The following EPHA3 variants were observed in gnomAD, a reference collection of about 807,000 sequenced individuals.
EPHA3 encodes EPH receptor A3, also known as ephrin type-A receptor 3.
In EPHA3, 42 loss-of-function variants were observed where a neutral mutation model predicts 107.1. The observed-to-expected ratio is 0.39, with a 90% CI of 0.31 to 0.51. The LOEUF (loss-of-function observed/expected upper bound fraction) is 0.51. Ranked by LOEUF, EPHA3 falls within the 20% of genes least tolerant of loss-of-function variation. The pLI is 0.78. For missense variants in EPHA3, 1,183 were observed against 1,211.2 expected, an observed-to-expected ratio of 0.98 and a Z score of 0.35; for synonymous variants, 461 against 424.8, an observed-to-expected ratio of 1.09 and a Z score of -1.05.
At chr3:89,382,916 A>T (rs960869472) in intron 5 of EPHA3, among the ~76,000 whole-genome samples, 2 of 152,204 alleles carry the variant, frequency 1.3e-5, no homozygotes, top group African/African-American at 4.8e-5. Flanking sequence ...ATTTCTTCCC[A>T]GTCAGTGAGG....
rs772653743 is a variant in EPHA3, at chr3:89,419,330, A to G, written c.2014A>G (p.Ser672Gly). 6.2e-7 allele frequency: 1 copy of G among 1,610,408 alleles called. No homozygotes were observed. The highest frequency in any genetic ancestry group is 8.5e-7 in the Non-Finnish European group (1 of 1,177,682). Residue 672 changes from serine to glycine, a missense_variant, in exon 11 of 17, where the codon AGC becomes GGC. By Grantham distance (56) the Ser-to-Gly change is moderately conservative. Transcript: ENST00000336596. ...KQRRDFLGEA[S>G]IMGQFDHPNI... Reference sequence around the variant, plus strand: ...GAGGAGAGACTTCCTGGGAGAAGCAAGCATTATGGGACAGTTTGACCACCC... The same window carrying G: ...GAGGAGAGACTTCCTGGGAGAAGCAGGCATTATGGGACAGTTTGACCACCC...
chr3:89,215,788 A>G (rs559672116), intron 3 of EPHA3, among the ~76,000 whole-genome samples: 4 of 151,964 alleles, frequency 2.6e-5, no homozygotes, highest in Admixed American at 2.6e-4. Context: ...AACTTTAGTA[A>G]TATAATCTCA....
At chr3:89,147,012 A>C (rs1704573450) in intron 2 of EPHA3, among the ~76,000 whole-genome samples, 1 of 151,986 alleles carries the variant, frequency 6.6e-6, no homozygotes, top group South Asian at 2.1e-4. Context: ...AGCCATAGAA[A>C]AAATGAGTCC....
chr3:89,175,350 A>C (rs1318983290), intron 2 of EPHA3, among the ~76,000 whole-genome samples: 5 of 152,058 alleles, frequency 3.3e-5, no homozygotes, highest in Middle Eastern at 6.3e-3. Context: ...TTTTATACCA[A>C]CCATACCCAG....
chr3:89,182,033 T>G (rs1164511442), intron 2 of EPHA3, among the ~76,000 whole-genome samples: 3 of 151,810 alleles, frequency 2.0e-5, no homozygotes, highest in African/African-American at 7.2e-5. Context: ...TTAGCTTTTT[T>G]TTTTTACTAT....
intron 11 of EPHA3, among the ~76,000 whole-genome samples, chr3:89,425,753 C>T (rs1277967992): frequency 1.3e-5 from 2 of 151,318 alleles, no homozygotes; most frequent in Admixed American, 1.3e-4. Flanking sequence ...ATATATTTCA[C>T]ATTATTCTAC....
At chr3:89,460,745 G>T (rs1217159318) in intron 15 of EPHA3, among the ~76,000 whole-genome samples, 2 of 145,320 alleles carry the variant, frequency 1.4e-5, no homozygotes, top group South Asian at 2.1e-4. Flanking sequence ...GGGTGACTTT[G>T]CTCAGTGAAT....
chr3:89,366,216 T>C (rs1182773074), intron 5 of EPHA3, among the ~76,000 whole-genome samples: 1 of 150,570 alleles, frequency 6.6e-6, no homozygotes, highest in Non-Finnish European at 1.5e-5. Flanking sequence ...TTTACACATA[T>C]TGAGTTCCTT....
chr3:89,397,437 C>T (rs1180803389), intron 6 of EPHA3, among the ~76,000 whole-genome samples: 1 of 152,178 alleles, frequency 6.6e-6, no homozygotes, highest in Non-Finnish European at 1.5e-5. Context: ...AACTAGATTT[C>T]AGGACTGGGA....
At chr3:89,169,719 TAAG>T (rs1705166832) in intron 2 of EPHA3, among the ~76,000 whole-genome samples, 1 of 152,226 alleles carries the variant, frequency 6.6e-6, no homozygotes, top group Non-Finnish European at 1.5e-5. Context: ...ACACTTCTCT[TAAG>T]TTCTCTTGCA....
intron 2 of EPHA3, among the ~76,000 whole-genome samples, chr3:89,154,786 A>G (rs972660461): frequency 1.3e-5 from 2 of 150,760 alleles, no homozygotes; most frequent in Non-Finnish European, 3.0e-5. Flanking sequence ...TATTTGAGAC[A>G]TTAGGCAATT....
At chr3:89,429,673 G>A (rs1422119041) in intron 12 of EPHA3, among the ~76,000 whole-genome samples, 1 of 151,782 alleles carries the variant, frequency 6.6e-6, no homozygotes, top group Non-Finnish European at 1.5e-5. Context: ...TTTAGATTGA[G>A]AAGCTTTATA....
At chr3:89,117,887 G>A (rs2106953374) in intron 1 of EPHA3, among the ~76,000 whole-genome samples, 1 of 152,162 alleles carries the variant, frequency 6.6e-6, no homozygotes, top group East Asian at 1.9e-4. Context: ...CCTTGAATAA[G>A]TCACAGCTGA....
intron 10 of EPHA3, among the ~76,000 whole-genome samples, chr3:89,417,282 C>A (rs1709268131): frequency 6.6e-6 from 1 of 151,324 alleles, no homozygotes; most frequent in South Asian, 2.1e-4. Context: ...AGAATTGGAC[C>A]CGAAGCAATT....
intron 13 of EPHA3, among the ~76,000 whole-genome samples, chr3:89,441,541 C>CTTTTATAA (rs1709787452): frequency 6.6e-6 from 1 of 152,084 alleles, no homozygotes; most frequent in Non-Finnish European, 1.5e-5. Flanking sequence ...ACTAGCTGAG[C>CTTTTATAA]TTTTATAATA....
At chr3:89,231,760 C>A (rs186416217) in intron 3 of EPHA3, among the ~76,000 whole-genome samples, 1 of 151,996 alleles carries the variant, frequency 6.6e-6, no homozygotes, top group African/African-American at 2.4e-5. Context: ...AACAGATTAA[C>A]AAGAGGAAAT....
chr3:89,339,307 A>T (rs1285024261), intron 3 of EPHA3, among the ~76,000 whole-genome samples: 1 of 143,182 alleles, frequency 7.0e-6, no homozygotes, highest in East Asian at 2.3e-4. Context: ...GAAGGCAGAG[A>T]TTGCAGTGAG....
rs80269657 is a variant in EPHA3 at position 89,135,951 on chromosome 3, T to C, written c.153+8678T>C. On this transcript the variant is annotated intron_variant, in intron 2 of 16. Transcript: ENST00000336596. Reference sequence around the variant, plus strand: ...AAAATAAGTAATTACTTTTCTACTTTACAGTATGATGTTATTTGCCTGTAG... The same window carrying C: ...AAAATAAGTAATTACTTTTCTACTTCACAGTATGATGTTATTTGCCTGTAG... Among the ~76,000 whole-genome samples the C allele has an allele frequency of 8.6e-3, 1,312 of 152,298 alleles. 9 individuals carry two copies. Among genetic ancestry groups the C allele is most frequent in the East Asian group, 0.027 (142 of 5,188 alleles).
rs746644811 is a variant in EPHA3 at position 89,107,730 on chromosome 3, T to C, written c.-19T>C. The C allele has an allele frequency of 6.2e-7, 1 of 1,610,298 alleles. No homozygotes were observed. The highest frequency in any genetic ancestry group is 8.5e-7 in the Non-Finnish European group (1 of 1,176,554). ...CTTCATGGAGATATGCTCCTCTCAC[T>C]GCCCTCTGCACCAGCAACATGGATT... On this transcript the variant is annotated 5_prime_UTR_variant, in exon 1 of 17. Transcript: ENST00000336596.
Sources: gnomAD v4.1 joint callset for allele counts (sites outside exome capture counted in the v4.1 genomes callset) on GRCh38, gnomAD v4.1.1 for gene constraint, MANE v1.5 for transcripts, NCBI Gene and HGNC (gene_info 2026-07-23, HGNC 2026-07-21) for gene names.